Variants in ST3GAL3 observed in about 807,000 individuals in gnomAD.
ST3GAL3 encodes the protein ST3 beta-galactoside alpha-2,3-sialyltransferase 3, also known as CMP-N-acetylneuraminate-beta-1,4-galactoside alpha-2,3-sialyltransferase.
ST3GAL3 carries 21 observed loss-of-function variants against 50.1 expected under a neutral mutation model. The observed-to-expected ratio is 0.42, with a 90% CI of 0.30 to 0.60. The LOEUF (loss-of-function observed/expected upper bound fraction) is 0.60. Among genes scored for constraint, ST3GAL3 ranks in the 20% least tolerant of loss-of-function variants. The pLI is 0.19. For synonymous variants in ST3GAL3, 183 were observed against 190.0 expected (o/e 0.96, Z 0.30); for missense variants, 353 against 489.4 (o/e 0.72, Z 2.63).
chr1:43,862,235 T>A (rs1341081989), intron 5 of ST3GAL3, among the ~76,000 whole-genome samples: 1 of 152,122 alleles, frequency 6.6e-6, no homozygotes, highest in Non-Finnish European at 1.5e-5. Flanking sequence ...CCTCACATTC[T>A]CCACCTTTAA....
intron 11 of ST3GAL3, among the ~76,000 whole-genome samples, chr1:43,926,592 T>A (rs2083998520): frequency 7.7e-6 from 1 of 130,234 alleles, no homozygotes; most frequent in Non-Finnish European, 1.8e-5. Flanking sequence ...GCAACAAGAG[T>A]GAAACTCCGT....
At chr1:43,793,358 C>T (rs979318094) in intron 3 of ST3GAL3, among the ~76,000 whole-genome samples, 12 of 151,976 alleles carry the variant, frequency 7.9e-5, no homozygotes, top group Admixed American at 2.6e-4. Flanking sequence ...GAAGCATTTA[C>T]GGTTTATTTG....
At chr1:43,844,331 T>C (rs2154203513) in intron 5 of ST3GAL3, among the ~76,000 whole-genome samples, 1 of 152,310 alleles carries the variant, frequency 6.6e-6, no homozygotes. Flanking sequence ...ATTGCATAGT[T>C]GGTTCCCCTG....
rs1485847987 is a variant in ST3GAL3 at position 43,929,366 on chromosome 1, G to A, written c.1039-766G>A. On this transcript the variant is annotated intron_variant, in intron 11 of 11. Coordinates refer to ENST00000347631, the MANE Select transcript of ST3GAL3 (RefSeq NM_006279.5). ...GTTGCCCAGGCTGGAGTGCAGTGGC[G>A]CGATCTCGGCTCACTGCAACCTCTG... 4.0e-5 allele frequency among the ~76,000 whole-genome samples: 6 copies of A among 151,384 alleles called. No individual in the cohort carries two copies. The East Asian group carries it at 9.7e-4, about 24-fold the overall frequency.
chr1:43,817,762 C>T (rs1437119531), intron 4 of ST3GAL3, among the ~76,000 whole-genome samples: 3 of 42,830 alleles, frequency 7.0e-5, no homozygotes, highest in South Asian at 7.9e-4. Flanking sequence ...TCCTCTTCTT[C>T]CTCTTCTTCT....
intron 5 of ST3GAL3, 151 bp downstream of exon 5, chr1:43,838,462 C>T: frequency 2.7e-6 from 2 of 732,114 alleles, no homozygotes; most frequent in Admixed American, 2.0e-5. Context: ...GGTTCCTACT[C>T]CAGTCCTACT....
In ST3GAL3 at chr1:43,909,881, G is replaced by A. The variant is rs185934809; in HGVS notation, c.744+10154G>A. On this transcript the variant is annotated intron_variant, in intron 9 of 11. Transcript: ENST00000347631. ...GATAACTAGTAAACAACAGAAATAG[G>A]TTTAACCTTCCTAGCAGTCAGAGAA... 6.6e-4 allele frequency among the ~76,000 whole-genome samples: 100 copies of A among 152,310 alleles called. 2 individuals carry two copies. Among genetic ancestry groups the A allele is most frequent in the African/African-American group, 2.3e-3 (96 of 41,564 alleles).
chr1:43,756,100 C>CAAAAAAAAAAAA (rs139101819), intron 2 of ST3GAL3, among the ~76,000 whole-genome samples: 2 of 72,122 alleles, frequency 2.8e-5, no homozygotes, highest in African/African-American at 1.5e-4. Flanking sequence ...GAACCAGTCT[C>CAAAAAAAAAAAA]AAAAAAAAAA....
rs1465372033 is a variant in ST3GAL3, at chr1:43,900,760, G to C, written c.744+1033G>C. The C allele has an allele frequency of 4.6e-5, 7 of 152,342 alleles. No individual in the cohort carries two copies. In the East Asian group the frequency reaches 1.3e-3, roughly 29 times the overall value. The allele number at this position is 152,342 out of a possible 1,614,324, so 9.4% of individuals were successfully genotyped here. The stretch of plus-strand genomic sequence containing the variant: ...GTTTAACTCCACAGCTCTTTCCCAA[G>C]CAAGGCCAAGTACAGGCAGTGTCAA... On this transcript the variant is annotated intron_variant, in intron 9 of 11. Coordinates refer to ENST00000347631, the MANE Select transcript of ST3GAL3 (RefSeq NM_006279.5).
At chr1:43,715,429 A>G (rs1666887097) in intron 1 of ST3GAL3, among the ~76,000 whole-genome samples, 1 of 152,118 alleles carries the variant, frequency 6.6e-6, no homozygotes, top group African/African-American at 2.4e-5. Flanking sequence ...CAAAAAAATT[A>G]GCCAGGTGTG....
chr1:43,886,123 G>A (rs2075945241), intron 5 of ST3GAL3, among the ~76,000 whole-genome samples: 1 of 152,246 alleles, frequency 6.6e-6, no homozygotes, highest in African/African-American at 2.4e-5. Flanking sequence ...GCTCATGCCT[G>A]TCATCCCAAC....
chr1:43,756,111 AAAAAAAAG>A (rs1687964877), intron 2 of ST3GAL3, among the ~76,000 whole-genome samples: 1 of 149,644 alleles, frequency 6.7e-6, no homozygotes, highest in Admixed American at 6.7e-5. Flanking sequence ...AAAAAAAAAA[AAAAAAAAG>A]AAGAAGAAGA....
rs1036565620 is a variant in ST3GAL3, at chr1:43,746,527, A to G, written c.118+10147A>G. Among the ~76,000 whole-genome samples, 19 of 150,226 alleles carry G rather than the reference A, an allele frequency of 1.3e-4. 1 individual carries two copies. The highest frequency in any genetic ancestry group is 6.6e-5 in the Admixed American group (1 of 15,060). ...ACCCAGGCTGGAGTGCAATGGTGCA[A>G]TCTCGGCTCACTGCAAGCTCCGCCT... On this transcript the variant is annotated intron_variant, in intron 2 of 11. Transcript: ENST00000347631.
intron 9 of ST3GAL3, among the ~76,000 whole-genome samples, chr1:43,918,058 C>T (rs1050671002): frequency 1.3e-5 from 2 of 151,008 alleles, no homozygotes; most frequent in Non-Finnish European, 2.9e-5. Context: ...TTTATTTCTT[C>T]CATTGCATTA....
At chr1:43,887,231 G>C (rs2076112978) in intron 5 of ST3GAL3, among the ~76,000 whole-genome samples, 1 of 152,194 alleles carries the variant, frequency 6.6e-6, no homozygotes, top group South Asian at 2.1e-4. Context: ...ATATGTGTGT[G>C]TGTTCTCGCA....
At chr1:43,910,060 G>C (rs2080525952) in intron 9 of ST3GAL3, among the ~76,000 whole-genome samples, 5 of 152,184 alleles carry the variant, frequency 3.3e-5, no homozygotes, top group Admixed American at 3.3e-4. Context: ...TTTTGGAAAG[G>C]AAATGGAACT....
chr1:43,913,504 G>A (rs887568167), intron 9 of ST3GAL3: 2 of 152,128 alleles, frequency 1.3e-5, no homozygotes, highest in African/African-American at 4.8e-5. Context: ...CAGATGTTCT[G>A]TGTATGTGCC....
At chr1:43,856,483 C>T (rs1183987825) in intron 5 of ST3GAL3, among the ~76,000 whole-genome samples, 1 of 152,178 alleles carries the variant, frequency 6.6e-6, no homozygotes, top group Non-Finnish European at 1.5e-5. Context: ...ATGCAGATTC[C>T]TTTTGTTTGG....
chr1:43,886,637 A>T (rs1039019554), intron 5 of ST3GAL3, among the ~76,000 whole-genome samples: 1 of 152,216 alleles, frequency 6.6e-6, no homozygotes, highest in Non-Finnish European at 1.5e-5. Flanking sequence ...AAGAAGACGG[A>T]CATGTCTACA....
Sources: allele counts gnomAD v4.1 joint callset (sites outside exome capture counted in the v4.1 genomes callset), GRCh38; gene constraint gnomAD v4.1.1; transcripts MANE v1.5; gene names NCBI Gene and HGNC (gene_info 2026-07-23, HGNC 2026-07-21).